The following RAB27A variants were observed in gnomAD, a reference collection of about 807,000 sequenced individuals.
RAB27A encodes the protein ras-related protein Rab-27A.
A neutral mutation model predicts 20.8 loss-of-function variants in RAB27A; 17 were observed. That is an observed-to-expected ratio of 0.82 (90% confidence interval 0.56 to 1.23). The LOEUF is 1.23. Ranked by LOEUF, RAB27A falls within the 50% of genes most tolerant of loss-of-function variation. The pLI is 0.00. For synonymous variants in RAB27A, 85 were observed against 92.8 expected, an observed-to-expected ratio of 0.92 and a Z score of 0.48; for missense variants, 277 against 266.7, an observed-to-expected ratio of 1.04 and a Z score of -0.27.
intron 5 of RAB27A, among the ~76,000 whole-genome samples, chr15:55,226,077 T>C (rs1895783439): frequency 6.6e-6 from 1 of 152,202 alleles, no homozygotes; most frequent in African/African-American, 2.4e-5. Flanking sequence ...TATATACTGT[T>C]GGGTTTTTGC....
rs1897936764 is a variant in RAB27A, at chr15:55,278,623, T to C, written c.-142-8339A>G. On this transcript the variant is annotated intron_variant, in intron 1 of 6. Coordinates refer to ENST00000336787, the MANE Select transcript of RAB27A (RefSeq NM_183235.3). Reference sequence around the variant, plus strand: ...TCAGCCTCCCAAGTAGCTGGGACTATAGGCGCCCGCCACCACGTCTGGCTA... The same window carrying C: ...TCAGCCTCCCAAGTAGCTGGGACTACAGGCGCCCGCCACCACGTCTGGCTA... Among the ~76,000 whole-genome samples the C allele has an allele frequency of 2.6e-5, 4 of 152,024 alleles. No homozygotes were observed. In the South Asian group the frequency reaches 8.3e-4, roughly 32 times the overall value.
At chr15:55,285,757 C>T (rs972220747) in intron 1 of RAB27A, among the ~76,000 whole-genome samples, 3 of 152,104 alleles carry the variant, frequency 2.0e-5, no homozygotes, top group East Asian at 1.9e-4. Flanking sequence ...GGTGAAACCC[C>T]GTTTCTATTG....
intron 2 of RAB27A, among the ~76,000 whole-genome samples, chr15:55,268,301 G>A (rs898102547): frequency 7.2e-5 from 11 of 152,158 alleles, no homozygotes; most frequent in Non-Finnish European, 1.2e-4. Flanking sequence ...AAACAGTATT[G>A]TTTGGTCACC....
At chr15:55,279,236 G>A (rs930706527) in intron 1 of RAB27A, among the ~76,000 whole-genome samples, 4 of 152,182 alleles carry the variant, frequency 2.6e-5, no homozygotes, top group Non-Finnish European at 5.9e-5. Context: ...AGTGTCCGAG[G>A]CCTGTGACCA....
chr15:55,235,709 A>G (rs1010218125), intron 2 of RAB27A, among the ~76,000 whole-genome samples: 5 of 151,848 alleles, frequency 3.3e-5, no homozygotes, highest in African/African-American at 1.2e-4. Context: ...TAAAATTTGC[A>G]ATTGCAAACA....
chr15:55,311,855 A>C (rs2141146759), intron 2 of RAB27A, among the ~76,000 whole-genome samples: 1 of 152,216 alleles, frequency 6.6e-6, no homozygotes, highest in Non-Finnish European at 1.5e-5. Context: ...ATTGCTTTGG[A>C]GATCCCTTCG....
intron 2 of RAB27A, among the ~76,000 whole-genome samples, chr15:55,246,080 T>C (rs1296017707): frequency 1.3e-5 from 2 of 151,066 alleles, no homozygotes; most frequent in Non-Finnish European, 2.9e-5. Flanking sequence ...CTAAGATATA[T>C]ATATGATATA....
At chr15:55,311,164 A>C (rs1389210005) in intron 2 of RAB27A, among the ~76,000 whole-genome samples, 1 of 152,188 alleles carries the variant, frequency 6.6e-6, no homozygotes. Flanking sequence ...CTCAGGCTGC[A>C]GTTATGGCAG....
chr15:55,214,340 G>A (rs1367967616), intron 6 of RAB27A, among the ~76,000 whole-genome samples: 5 of 152,192 alleles, frequency 3.3e-5, no homozygotes, highest in Admixed American at 2.0e-4. Flanking sequence ...GGAGGCTGAG[G>A]CAGGAGGATG....
intron 1 of RAB27A, among the ~76,000 whole-genome samples, chr15:55,276,217 T>A (rs1897870239): frequency 6.6e-6 from 1 of 152,090 alleles, no homozygotes; most frequent in Non-Finnish European, 1.5e-5. Flanking sequence ...ACAACCTCAA[T>A]GTCCACTGAC....
chr15:55,295,485 C>G (rs1437527427), intron 2 of RAB27A, among the ~76,000 whole-genome samples: 1 of 152,144 alleles, frequency 6.6e-6, no homozygotes, highest in Non-Finnish European at 1.5e-5. Context: ...AAATGTGGCA[C>G]ATCCATATAA....
intron 6 of RAB27A, among the ~76,000 whole-genome samples, chr15:55,213,757 C>A (rs1367356302): frequency 6.6e-6 from 1 of 152,164 alleles, no homozygotes; most frequent in African/African-American, 2.4e-5. Context: ...CTCCTATCAC[C>A]CCCAGATGGG....
Position 55,228,478 on chromosome 15 carries a change from C to A in RAB27A, c.343+131G>T, listed in dbSNP as rs187767603. 67 of 742,384 alleles carry A rather than the reference C, an allele frequency of 9.0e-5. 1 individual carries two copies. Among genetic ancestry groups the A allele is most frequent in the Non-Finnish European group, 2.4e-5 (10 of 424,516 alleles). 46.0% of individuals were successfully genotyped at this position (742,384 alleles called of 1,614,324 possible). On this transcript the variant is annotated intron_variant, in intron 5 of 6. Coordinates refer to ENST00000336787, the MANE Select transcript of RAB27A (RefSeq NM_183235.3). ...TTATCTTTGTCCCTAAACTAAAAAC[C>A]TTGCTCCTTAAAATAGTATTTGCAC...
chr15:55,312,161 G>A (rs979936632), intron 2 of RAB27A, among the ~76,000 whole-genome samples: 1 of 152,222 alleles, frequency 6.6e-6, no homozygotes, highest in African/African-American at 2.4e-5. Flanking sequence ...GGCAATGGGC[G>A]CCTCGCTGGA....
intron 4 of RAB27A, among the ~76,000 whole-genome samples, chr15:55,229,048 G>A (rs1595693974): frequency 6.6e-6 from 1 of 152,176 alleles, no homozygotes; most frequent in African/African-American, 2.4e-5. Flanking sequence ...ACATTACAAT[G>A]TGTTCCATGA....
chr15:55,263,962 A>T (rs931319343), intron 2 of RAB27A, among the ~76,000 whole-genome samples: 1 of 152,238 alleles, frequency 6.6e-6, no homozygotes, highest in South Asian at 2.1e-4. Context: ...CACATTAAAC[A>T]TCGTAAGAGA....
At chr15:55,258,732 A>G (rs1897171773) in intron 2 of RAB27A, among the ~76,000 whole-genome samples, 1 of 152,218 alleles carries the variant, frequency 6.6e-6, no homozygotes, top group Admixed American at 6.5e-5. Context: ...CATTTCTCTG[A>G]GTGCTAATGA....
chr15:55,224,773 G>A (rs1396448379), intron 5 of RAB27A, among the ~76,000 whole-genome samples: 2 of 152,152 alleles, frequency 1.3e-5, no homozygotes, highest in African/African-American at 2.4e-5. Flanking sequence ...TCACACCCCA[G>A]AATAAAATTA....
rs921188826 is a variant in RAB27A at position 55,204,654 on chromosome 15, C to T, written c.*853G>A. 1 of 152,158 alleles carries T rather than the reference C, an allele frequency of 6.6e-6. No individual in the cohort carries two copies. The highest frequency in any genetic ancestry group is 1.5e-5 in the Non-Finnish European group (1 of 68,034). 9.4% of individuals were successfully genotyped at this position (152,158 alleles called of 1,614,324 possible). On this transcript the variant is annotated 3_prime_UTR_variant, in exon 7 of 7. Transcript: ENST00000336787. Reference sequence around the variant, plus strand: ...AAAAAGAAACTAAATATTTACTCATCGCAAATAACTCGGCATAAGCACCAG... The same window carrying T: ...AAAAAGAAACTAAATATTTACTCATTGCAAATAACTCGGCATAAGCACCAG...
Sources: allele counts gnomAD v4.1 joint callset (sites outside exome capture counted in the v4.1 genomes callset), GRCh38; gene constraint gnomAD v4.1.1; transcripts MANE v1.5; gene names NCBI Gene and HGNC (gene_info 2026-07-23, HGNC 2026-07-21).